Variants in BIRC6 observed in about 807,000 individuals in gnomAD.
BIRC6 encodes baculoviral IAP repeat containing 6.
BIRC6 carries 98 observed loss-of-function variants against 503.3 expected under a neutral mutation model. That is an observed-to-expected ratio of 0.19 (90% CI 0.17 to 0.23). The LOEUF is 0.23. BIRC6 is among the 10% of genes least tolerant of loss of function. The probability of loss-of-function intolerance (pLI) is 1.00; values close to 1 mark genes in which losing one functional copy is unlikely to be tolerated. For synonymous variants in BIRC6, 2,240 were observed against 2,078.7 expected, an observed-to-expected ratio of 1.08 and a Z score of -2.11; for missense variants, 5,360 against 5,806.0, an observed-to-expected ratio of 0.92 and a Z score of 2.50.
intron 72 of BIRC6, among the ~76,000 whole-genome samples, chr2:32,608,843 C>T (rs1434239941): frequency 9.9e-5 from 15 of 151,892 alleles, no homozygotes; most frequent in Admixed American, 9.8e-4. Context: ...GAAATTTTGC[C>T]CTTATTCTAA....
chr2:32,392,143 A>G lies in BIRC6; in HGVS notation c.944A>G (p.Tyr315Cys). The change falls in exon 5 of 74, where the codon TAT becomes TGT. Residue 315 changes from tyrosine to cysteine, a missense_variant. By Grantham distance (194) the Tyr-to-Cys change is radical. Transcript: ENST00000421745. ...GATCCCATGGCTCAAGCTGGATTTT[A>G]TCATCAGGTAAAAAAAGAATATAAA... ...QPDPMAQAGF[Y>C]HQPASSGDDR... 1 of 1,569,502 alleles carries G rather than the reference A, an allele frequency of 6.4e-7. No homozygotes were observed. The highest frequency in any genetic ancestry group is 8.7e-7 in the Non-Finnish European group (1 of 1,152,766).
intron 32 of BIRC6, among the ~76,000 whole-genome samples, chr2:32,471,860 G>A (rs1004293613): frequency 1.3e-5 from 2 of 152,088 alleles, no homozygotes; most frequent in African/African-American, 4.8e-5. Flanking sequence ...TCTGTACATT[G>A]TCAGGAACTC....
chr2:32,484,397 T>C (rs552592732), intron 39 of BIRC6, among the ~76,000 whole-genome samples: 3 of 151,640 alleles, frequency 2.0e-5, no homozygotes, highest in East Asian at 3.9e-4. Context: ...ACTACAAATA[T>C]AAAAAAATTA....
intron 59 of BIRC6, chr2:32,527,339 A>G (rs2056360679): frequency 6.6e-6 from 1 of 152,194 alleles, no homozygotes; most frequent in Non-Finnish European, 1.5e-5. Flanking sequence ...CTCCAGCTAA[A>G]ATTCTCAAAA....
chr2:32,449,014 T>A (rs954743504), intron 22 of BIRC6, 86 bp downstream of exon 22: 50 of 1,323,202 alleles, frequency 3.8e-5, no homozygotes, highest in Non-Finnish European at 4.7e-5. Flanking sequence ...ATAGTCATGA[T>A]GTTTTGTCTT....
intron 9 of BIRC6, among the ~76,000 whole-genome samples, chr2:32,407,546 T>C (rs553958112): frequency 6.6e-6 from 1 of 152,146 alleles, no homozygotes; most frequent in East Asian, 1.9e-4. Flanking sequence ...CATTATTAAA[T>C]TGTGGCTATT....
intron 10 of BIRC6, among the ~76,000 whole-genome samples, chr2:32,418,792 A>G (rs1168918141): frequency 2.0e-5 from 3 of 152,184 alleles, no homozygotes; most frequent in African/African-American, 7.2e-5. Context: ...GCATTTAAAT[A>G]AAAGTATTGG....
intron 1 of BIRC6, among the ~76,000 whole-genome samples, chr2:32,366,424 C>T (rs2034940229): frequency 6.6e-6 from 1 of 152,012 alleles, no homozygotes; most frequent in South Asian, 2.1e-4. Flanking sequence ...TCAGTGGGAT[C>T]TTGGGAGGGA....
intron 34 of BIRC6, 92 bp downstream of exon 34, chr2:32,476,436 C>T (rs1354986986): frequency 7.4e-7 from 1 of 1,358,158 alleles, no homozygotes; most frequent in East Asian, 2.8e-5. Context: ...ATACATTACT[C>T]TGCTTAACAG....
intron 73 of BIRC6, among the ~76,000 whole-genome samples, chr2:32,614,350 T>C (rs2063092684): frequency 6.6e-6 from 1 of 152,160 alleles, no homozygotes; most frequent in South Asian, 2.1e-4. Flanking sequence ...CAAATATGTA[T>C]TTAGATATGT....
chr2:32,596,465 T>C (rs1284140725), intron 68 of BIRC6, among the ~76,000 whole-genome samples: 2 of 50,032 alleles, frequency 4.0e-5, no homozygotes, highest in Non-Finnish European at 9.0e-5. Context: ...CAAGTCTCCA[T>C]CTCAAAAAAA....
chr2:32,409,970 T>C (rs951142623), intron 9 of BIRC6, among the ~76,000 whole-genome samples: 1 of 152,184 alleles, frequency 6.6e-6, no homozygotes, highest in Admixed American at 6.5e-5. Context: ...TGAATAAATA[T>C]TTGAGAAGCA....
chr2:32,477,475 A>G lies in BIRC6; in HGVS notation c.6960A>G (p.Pro2320=), dbSNP rs1242846139. 3.1e-6 allele frequency: 5 copies of G among 1,613,870 alleles called. No homozygotes were observed. Among genetic ancestry groups the G allele is most frequent in the Admixed American group, 1.7e-5 (1 of 60,002 alleles). ...AKESPEIEPL[P]FTLAHERCIS... is the part of the protein sequence containing the mutation. ...AAAGTCCTGAGATAGAACCACTTCC[A>G]TTTACTCTGGCCCATGAGCGTTGTA... is the stretch of plus-strand genomic sequence containing the variant. Residue 2320 remains proline (P), a synonymous_variant, in exon 35 of 74, where the codon CCA becomes CCG. Transcript: ENST00000421745.
chr2:32,414,209 G>A (rs536293409), intron 9 of BIRC6, among the ~76,000 whole-genome samples: 80 of 152,130 alleles, frequency 5.3e-4, no homozygotes, highest in African/African-American at 1.8e-3. Context: ...CCTGGGAGGC[G>A]GAGGTTTTGG....
Position 32,443,563 on chromosome 2 carries a change from AT to A in BIRC6, c.4316del (p.Leu1439TyrfsTer17). 6.2e-7 allele frequency: 1 copy of A among 1,606,280 alleles called. No individual in the cohort carries two copies. Among genetic ancestry groups the A allele is most frequent in the South Asian group, 1.1e-5 (1 of 89,404 alleles). On this transcript the variant is annotated frameshift_variant, in exon 20 of 74. Transcript: ENST00000421745. LOFTEE classifies it high-confidence loss of function. Reference sequence around the variant, plus strand: ...TGAAGGCTTTACTTGATAATATGTCATTTTTACCTGCAGCAACAACTGGTGG... The same window carrying A: ...TGAAGGCTTTACTTGATAATATGTCATTTTACCTGCAGCAACAACTGGTGG... ...LLKALLDNMS[F>X]LPAATTGGSV...
At chr2:32,396,950 A>G (rs2039965728) in intron 6 of BIRC6, among the ~76,000 whole-genome samples, 1 of 151,730 alleles carries the variant, frequency 6.6e-6, no homozygotes, top group Non-Finnish European at 1.5e-5. Flanking sequence ...TTGGTCTCGA[A>G]CTCCTGAGCT....
intron 35 of BIRC6, 52 bp downstream of exon 35, chr2:32,477,635 A>T: frequency 7.1e-7 from 1 of 1,417,936 alleles, no homozygotes; most frequent in Non-Finnish European, 9.8e-7. Flanking sequence ...GCAGTGGCTC[A>T]TGCCTGTAAT....
intron 73 of BIRC6, among the ~76,000 whole-genome samples, chr2:32,617,167 G>T (rs1220794975): frequency 6.6e-6 from 1 of 152,192 alleles, no homozygotes; most frequent in Non-Finnish European, 1.5e-5. Flanking sequence ...ACTTTGGGAG[G>T]CCGAGGCAGG....
chr2:32,603,166 A>C (rs1261319073), intron 71 of BIRC6, 83 bp downstream of exon 71: 17 of 982,950 alleles, frequency 1.7e-5, no homozygotes, highest in Admixed American at 1.4e-4. Flanking sequence ...ACCAAGAATA[A>C]ATATAGTAAA....
Sources: gnomAD v4.1 joint callset for allele counts (sites outside exome capture counted in the v4.1 genomes callset) on GRCh38, gnomAD v4.1.1 for gene constraint, MANE v1.5 for transcripts, NCBI Gene and HGNC (gene_info 2026-07-23, HGNC 2026-07-21) for gene names.